Variants in KNDC1 observed in about 807,000 individuals in gnomAD.
The protein encoded by KNDC1 is kinase non-catalytic C-lobe domain-containing protein 1.
KNDC1 carries 106 observed loss-of-function variants against 172.8 expected under a neutral mutation model. That is an observed-to-expected ratio of 0.61 (90% CI 0.52 to 0.72). KNDC1 has a LOEUF of 0.72. Among genes scored for constraint, KNDC1 ranks in the 30% least tolerant of loss-of-function variants. KNDC1 has a pLI of 0.00. For synonymous variants in KNDC1, 1,083 were observed against 1,062.2 expected (o/e 1.02, Z -0.38); for missense variants, 2,325 against 2,394.5 (o/e 0.97, Z 0.61).
chr10:133,204,254 T>C (rs1335578339), intron 17 of KNDC1, among the ~76,000 whole-genome samples: 4 of 152,194 alleles, frequency 2.6e-5, no homozygotes, highest in Admixed American at 2.0e-4. Context: ...CCTTCCTTGA[T>C]GATGGAATGT....
chr10:133,200,511 G>T (rs1401327840), intron 16 of KNDC1, 51 bp downstream of exon 16: 1 of 1,367,816 alleles, frequency 7.3e-7, no homozygotes, highest in Non-Finnish European at 9.7e-7. Context: ...CGGCTCCTCT[G>T]TGCTCTCTGC....
intron 29 of KNDC1, among the ~76,000 whole-genome samples, chr10:133,220,881 G>A (rs866893129): frequency 7.9e-5 from 12 of 152,012 alleles, no homozygotes; most frequent in Middle Eastern, 3.2e-3. Context: ...GCATGCCCAG[G>A]TGGGGCACGC....
chr10:133,167,895 T>TC (rs889994769), intron 2 of KNDC1, among the ~76,000 whole-genome samples: 7 of 152,240 alleles, frequency 4.6e-5, no homozygotes, highest in African/African-American at 1.7e-4. Context: ...CCTGAGCCAG[T>TC]CCCGCCTGCC....
chr10:133,218,332 C>T (rs1183820658), intron 26 of KNDC1, among the ~76,000 whole-genome samples: 6 of 152,246 alleles, frequency 3.9e-5, no homozygotes, highest in South Asian at 2.1e-4. Flanking sequence ...AGGTCGTCAC[C>T]GCCAGCCACA....
In KNDC1 at chr10:133,206,743, A is replaced by G. The variant is rs1564895492; in HGVS notation, c.3446A>G (p.Tyr1149Cys). The G allele has an allele frequency of 1.2e-6, 2 of 1,614,044 alleles. No homozygotes were observed. Among genetic ancestry groups the G allele is most frequent in the Non-Finnish European group, 1.7e-6 (2 of 1,180,004 alleles). ...AACTACCGCAAGACCCTGAAGTTCT[A>G]CCAGAAACTCTTACAGAAGGAAAAG... ...KRNYRKTLKF[Y>C]QKLLQKEKRN... is the part of the protein sequence containing the mutation. Residue 1149 changes from tyrosine (Y) to cysteine (C), a missense_variant, in exon 18 of 30, where the codon TAC becomes TGC. Coordinates refer to ENST00000304613, the MANE Select transcript of KNDC1 (RefSeq NM_152643.8).
At chr10:133,219,172 C>T (rs531375049) in intron 28 of KNDC1, 82 bp downstream of exon 28, 60 of 1,483,376 alleles carry the variant, frequency 4.0e-5, no homozygotes, top group Non-Finnish European at 5.0e-5. Context: ...GCCTGCCGCA[C>T]CCAGACGCAG....
chr10:133,184,003 C>A lies in KNDC1; in HGVS notation c.625+14C>A, dbSNP rs756676533. 9 of 1,481,246 alleles carry A rather than the reference C, an allele frequency of 6.1e-6. No individual in the cohort carries two copies. Among genetic ancestry groups the A allele is most frequent in the Admixed American group, 2.0e-5 (1 of 50,560 alleles). 91.8% of individuals were successfully genotyped at this position (1,481,246 alleles called of 1,614,324 possible). A position where few individuals can be genotyped will look rare whatever the true frequency, so the allele number is the denominator to read the frequency against. ...GAGCGCTGCAGGGTGAGTTCTTGAA[C>A]CCACACACGTGCATCCTCATGCACA... On this transcript the variant is annotated intron_variant, in intron 5 of 29. Coordinates refer to ENST00000304613, the MANE Select transcript of KNDC1 (RefSeq NM_152643.8).
At position 133,210,738 on chromosome 10, in the gene KNDC1, C is replaced by T. The variant is rs749029354; in HGVS notation, c.3908+14C>T. The stretch of plus-strand genomic sequence containing the variant: ...CACGCTGACCAGGTACCAAGCTCCA[C>T]AGCTCCACGCCCGCCAGAGCTTCCC... On this transcript the variant is annotated intron_variant, in intron 21 of 29. Coordinates refer to ENST00000304613, the MANE Select transcript of KNDC1 (RefSeq NM_152643.8). 2.5e-6 allele frequency: 4 copies of T among 1,586,264 alleles called. No homozygotes were observed. Among genetic ancestry groups the T allele is most frequent in the Non-Finnish European group, 3.5e-6 (4 of 1,154,574 alleles).
chr10:133,223,978 CGT>C lies in KNDC1; in HGVS notation c.5019-665_5019-664del, dbSNP rs527737490. Among the ~76,000 whole-genome samples the C allele has an allele frequency of 2.3e-4, 29 of 124,202 alleles. 1 individual carries two copies. Among genetic ancestry groups the C allele is most frequent in the South Asian group, 8.3e-4 (3 of 3,618 alleles). 81.5% of individuals were successfully genotyped at this position (124,202 alleles called of 152,430 possible). A position where few individuals can be genotyped will look rare whatever the true frequency, so the allele number is the denominator to read the frequency against. ...GCCCATCCAGGCATGCTCTTCCCGG[CGT>C]GTGTGTGTGTGTGTGAGAGAGCCCA... On this transcript the variant is annotated intron_variant, in intron 29 of 29. Coordinates refer to ENST00000304613, the MANE Select transcript of KNDC1 (RefSeq NM_152643.8).
chr10:133,168,807 C>T (rs1329723871), intron 3 of KNDC1, among the ~76,000 whole-genome samples: 1 of 152,216 alleles, frequency 6.6e-6, no homozygotes, highest in East Asian at 1.9e-4. Context: ...CATGGGCCAC[C>T]CTGGGGGCCT....
Position 133,201,352 on chromosome 10 carries a change from G to A in KNDC1, c.2990-149G>A, listed in dbSNP as rs887869638. On this transcript the variant is annotated intron_variant, in intron 16 of 29. Coordinates refer to ENST00000304613, the MANE Select transcript of KNDC1 (RefSeq NM_152643.8). ...AGCATCTCCCCTGCACTGGGAGGCGGCAGCCGTGCCCGGGGGGCGCCCGTG... is the reference window on the plus strand; with the variant it reads ...AGCATCTCCCCTGCACTGGGAGGCGACAGCCGTGCCCGGGGGGCGCCCGTG... 6.2e-6 allele frequency: 5 copies of A among 805,724 alleles called. No individual in the cohort carries two copies. In the African/African-American group the frequency reaches 8.7e-5, roughly 14 times the overall value. 49.9% of individuals were successfully genotyped at this position (805,724 alleles called of 1,614,324 possible).
Position 133,189,601 on chromosome 10 carries a change from A to G in KNDC1, c.1445A>G (p.Tyr482Cys), listed in dbSNP as rs187682139. The change falls in exon 8 of 30, where the codon TAC (tyrosine) becomes TGC (cysteine). Residue 482 changes from tyrosine to cysteine, a missense_variant. Tyr to Cys is a radical substitution (Grantham distance 194, BLOSUM62 -2). Transcript: ENST00000304613. The part of the protein sequence containing the change: ...ALQTRPEHPA[Y>C]LCLDSVLVAE... ...CCTGACCCAAGCTCTGCCACAGCCT[A>G]CCTGTGTCTGGACTCCGTGCTGGTT... 2 of 1,613,206 alleles carry G rather than the reference A, an allele frequency of 1.2e-6. No individual in the cohort carries two copies. Among genetic ancestry groups the G allele is most frequent in the African/African-American group, 1.3e-5 (1 of 74,962 alleles).
At chr10:133,190,345 GCAC>G (rs1443014189) in intron 9 of KNDC1, among the ~76,000 whole-genome samples, 1 of 58,370 alleles carries the variant, frequency 1.7e-5, no homozygotes, top group East Asian at 1.3e-3. Flanking sequence ...TAAACACCCT[GCAC>G]TAAGCACCCT....
intron 6 of KNDC1, among the ~76,000 whole-genome samples, chr10:133,188,091 G>A (rs11594978): frequency 0.34 from 51,346 of 151,946 alleles, 10,078 homozygotes; most frequent in South Asian, 0.61. Context: ...TCCCTGTCCC[G>A]AGGCCAAGCG....
chr10:133,176,391 C>T (rs1341022821), intron 3 of KNDC1, among the ~76,000 whole-genome samples: 1 of 151,992 alleles, frequency 6.6e-6, no homozygotes, highest in African/African-American at 2.4e-5. Context: ...CCTGGCTTTC[C>T]GTGTGGTATG....
In KNDC1 at chr10:133,197,701, C is replaced by G. The variant is rs373671835; in HGVS notation, c.1839C>G (p.Ser613Arg). The change falls in exon 12 of 30, where the codon AGC (serine) becomes AGG (arginine). Residue 613 changes from serine (S) to arginine (R), a missense_variant. By Grantham distance (110) the Ser-to-Arg change is moderately radical (BLOSUM62 -1). Transcript: ENST00000304613. ...TGTACCAGGAGGAAGAGACCATCAGCCTCCAAAACGCCTTCTCAGTGGTTG... is the reference window on the plus strand; with the variant it reads ...TGTACCAGGAGGAAGAGACCATCAGGCTCCAAAACGCCTTCTCAGTGGTTG... ...CQVYQEEETI[S>R]LQNAFSVVEL... 1.1e-5 allele frequency: 17 copies of G among 1,613,312 alleles called. No homozygotes were observed. Among genetic ancestry groups the G allele is most frequent in the Non-Finnish European group, 1.4e-5 (17 of 1,179,848 alleles).
chr10:133,216,774 G>A (rs1255909487), intron 26 of KNDC1, among the ~76,000 whole-genome samples: 2 of 152,238 alleles, frequency 1.3e-5, no homozygotes, highest in Non-Finnish European at 2.9e-5. Flanking sequence ...AGAGGTGGAG[G>A]CACCTAAATG....
chr10:133,224,759 G>T lies in KNDC1; in HGVS notation c.5119G>T (p.Ala1707Ser). 1 of 1,614,070 alleles carries T rather than the reference G, an allele frequency of 6.2e-7. No individual in the cohort carries two copies. Among genetic ancestry groups the T allele is most frequent in the Non-Finnish European group, 8.5e-7 (1 of 1,180,016 alleles). ...CCAGTCGTACCTCAAGCAGAGGATT[G>T]CCCGCTTCAGCGGTGCCGACATTTC... ...KLQSYLKQRIARFSGADISTL... is the reference protein window; with the variant it reads ...KLQSYLKQRISRFSGADISTL... The change falls in exon 30 of 30, where the codon GCC becomes TCC. Residue 1707 changes from alanine (A) to serine (S), a missense_variant. Physicochemically the swap from Ala to Ser is moderately conservative, Grantham distance 99 (BLOSUM62 1). Transcript: ENST00000304613. This position sits in a 1 kb window ranked among gnomAD's most constrained non-coding sequence, Gnocchi z 5.4.
intron 26 of KNDC1, among the ~76,000 whole-genome samples, chr10:133,218,014 C>T (rs1455024672): frequency 6.6e-6 from 1 of 151,024 alleles, no homozygotes; most frequent in African/African-American, 2.4e-5. Flanking sequence ...GAGCCGAGAT[C>T]GCGCCACTGC....
Sources: gnomAD v4.1 joint callset for allele counts (sites outside exome capture counted in the v4.1 genomes callset) on GRCh38, gnomAD v4.1.1 for gene constraint, Gnocchi (gnomAD v3.1) non-coding constraint, MANE v1.5 for transcripts, NCBI Gene and HGNC (gene_info 2026-07-23, HGNC 2026-07-21) for gene names.